The following HMGCLL1 variants were observed in gnomAD, a reference collection of about 807,000 sequenced individuals.
HMGCLL1 encodes 3-hydroxymethyl-3-methylglutaryl-CoA lyase, cytoplasmic.
HMGCLL1 carries 36 observed loss-of-function variants against 39.1 expected under a neutral mutation model. The ratio of observed to expected loss-of-function variants is 0.92; its 90% CI spans 0.71 to 1.22. The LOEUF is 1.22. Among genes scored for constraint, HMGCLL1 ranks in the 50% most tolerant of loss-of-function variants. The probability of loss-of-function intolerance (pLI) is 0.00; values close to 1 mark genes in which losing one functional copy is unlikely to be tolerated. For synonymous variants in HMGCLL1, 149 were observed against 144.0 expected, an observed-to-expected ratio of 1.03 and a Z score of -0.25; for missense variants, 451 against 416.5, an observed-to-expected ratio of 1.08 and a Z score of -0.72.
the HMGCLL1 span, among the ~76,000 whole-genome samples, chr6:55,624,754 G>A: frequency 4.6e-5 from 7 of 152,116 alleles, no homozygotes; most frequent in African/African-American, 1.4e-4. Flanking sequence ...TGTGGGGCCT[G>A]TTGAGATAGT....
chr6:55,514,830 T>A (rs6908139), intron 4 of HMGCLL1, among the ~76,000 whole-genome samples: 1 of 151,970 alleles, frequency 6.6e-6, no homozygotes, highest in Non-Finnish European at 1.5e-5. Flanking sequence ...TTATTCCTTC[T>A]TCCAGGCTCT....
chr6:55,519,160 G>A (rs1216822500), intron 3 of HMGCLL1, among the ~76,000 whole-genome samples: 1 of 152,102 alleles, frequency 6.6e-6, no homozygotes, highest in African/African-American at 2.4e-5. Flanking sequence ...AGAAAGCCAT[G>A]GAGAATGGGT....
the HMGCLL1 span, among the ~76,000 whole-genome samples, chr6:55,626,366 G>A: frequency 4.6e-5 from 7 of 152,168 alleles, no homozygotes; most frequent in East Asian, 1.4e-3. Flanking sequence ...TGCAGCAGTG[G>A]GCTTATGCTC....
intron 7 of HMGCLL1, among the ~76,000 whole-genome samples, chr6:55,472,655 T>G (rs1228423586): frequency 6.6e-6 from 1 of 151,432 alleles, no homozygotes. Context: ...TGTGAAGAGA[T>G]TACAGATAAT....
At chr6:55,569,622 ATGAGCTACT>A (rs1328733494) in intron 1 of HMGCLL1, among the ~76,000 whole-genome samples, 1 of 152,196 alleles carries the variant, frequency 6.6e-6, no homozygotes. Context: ...TAAGGATTAA[ATGAGCTACT>A]GGATGTAAAC....
rs577218294 is a variant in HMGCLL1 at position 55,549,682 on chromosome 6, T to C, written c.109-7542A>G. The stretch of plus-strand genomic sequence containing the variant: ...AGCTGAGGACACTTGGTTTAATATT[T>C]AGCTAAGAAGACATAATTCATCATT... On this transcript the variant is annotated intron_variant, in intron 1 of 8. Transcript: ENST00000274901. 6.8e-4 allele frequency among the ~76,000 whole-genome samples: 103 copies of C among 152,100 alleles called. 1 individual carries two copies. The highest frequency in any genetic ancestry group is 2.4e-3 in the African/African-American group (99 of 41,412).
chr6:55,477,361 T>TTATATTTAGATAATA (rs1765470680), intron 7 of HMGCLL1, among the ~76,000 whole-genome samples: 2 of 34,798 alleles, frequency 5.7e-5, no homozygotes, highest in Non-Finnish European at 8.9e-5. Context: ...ATAATATATA[T>TTATATTTAGATAATA]TATATTAATA....
At chr6:55,543,222 A>ATATAT (rs1769640676) in intron 1 of HMGCLL1, among the ~76,000 whole-genome samples, 5 of 7,806 alleles carry the variant, frequency 6.4e-4, no homozygotes, top group African/African-American at 1.2e-3. Context: ...ATATTATATA[A>ATATAT]TATATAATAT....
rs1034422508 is a variant in HMGCLL1, at chr6:55,552,254, C to T, written c.109-10114G>A. On this transcript the variant is annotated intron_variant, in intron 1 of 8. Coordinates refer to ENST00000274901, the MANE Select transcript of HMGCLL1 (RefSeq NM_001042406.2). ...TACATGTAGCATAGAGATTTAAAAT[C>T]CTAAACATGAATGCTACCAGTCCTC... Among the ~76,000 whole-genome samples, 10 of 151,856 alleles carry T rather than the reference C, an allele frequency of 6.6e-5. 1 individual carries two copies. The highest frequency in any genetic ancestry group is 2.2e-4 in the African/African-American group (9 of 41,204).
chr6:55,575,503 G>A (rs927692536), intron 1 of HMGCLL1, among the ~76,000 whole-genome samples: 1 of 151,998 alleles, frequency 6.6e-6, no homozygotes, highest in African/African-American at 2.4e-5. Context: ...ACAAAACCAT[G>A]GAATAAGTTG....
intron 7 of HMGCLL1, among the ~76,000 whole-genome samples, chr6:55,486,938 T>C (rs1351156797): frequency 6.6e-6 from 1 of 152,120 alleles, no homozygotes; most frequent in African/African-American, 2.4e-5. Context: ...TCCTACCATG[T>C]CTTCACATGG....
the HMGCLL1 span, among the ~76,000 whole-genome samples, chr6:55,674,045 G>A: frequency 6.6e-6 from 1 of 151,962 alleles, no homozygotes; most frequent in Non-Finnish European, 1.5e-5. Context: ...ATAATTGGTA[G>A]GCTGAGAGTA....
chr6:55,501,560 G>A (rs751223559), intron 5 of HMGCLL1, among the ~76,000 whole-genome samples: 6 of 151,658 alleles, frequency 4.0e-5, no homozygotes, highest in East Asian at 1.9e-4. Context: ...TTTGACAAGC[G>A]GCCAAAGCCA....
the HMGCLL1 span, among the ~76,000 whole-genome samples, chr6:55,653,465 A>G: frequency 1.3e-5 from 2 of 152,076 alleles, no homozygotes. Context: ...TTTTATTACC[A>G]AAAGACATGC....
intron 1 of HMGCLL1, among the ~76,000 whole-genome samples, chr6:55,553,092 G>A (rs995617112): frequency 4.6e-5 from 7 of 151,534 alleles, no homozygotes; most frequent in Non-Finnish European, 7.4e-5. Context: ...GCAGTGAGCC[G>A]AGATCGTGCC....
chr6:55,658,973 G>A, the HMGCLL1 span, among the ~76,000 whole-genome samples: 1 of 151,928 alleles, frequency 6.6e-6, no homozygotes, highest in Non-Finnish European at 1.5e-5. Flanking sequence ...AGAATGAACT[G>A]AAAGAGGGGG....
chr6:55,647,733 C>CTT, the HMGCLL1 span, among the ~76,000 whole-genome samples: 16 of 112,848 alleles, frequency 1.4e-4, no homozygotes, highest in South Asian at 6.3e-4. Flanking sequence ...CTCTTCATGT[C>CTT]TTTTTTTTTT....
chr6:55,651,270 A>T, the HMGCLL1 span, among the ~76,000 whole-genome samples: 1 of 152,062 alleles, frequency 6.6e-6, no homozygotes, highest in Non-Finnish European at 1.5e-5. Context: ...CCAAAACTAC[A>T]TCAGCTTCAT....
At chr6:55,461,615 T>C (rs1002650195) in intron 7 of HMGCLL1, among the ~76,000 whole-genome samples, 4 of 152,162 alleles carry the variant, frequency 2.6e-5, no homozygotes, top group Non-Finnish European at 5.9e-5. Flanking sequence ...TTGTTTTTGG[T>C]ATTTCATTTT....
Sources: gnomAD v4.1 joint callset for allele counts (sites outside exome capture counted in the v4.1 genomes callset) on GRCh38, gnomAD v4.1.1 for gene constraint, MANE v1.5 for transcripts, NCBI Gene and HGNC (gene_info 2026-07-23, HGNC 2026-07-21) for gene names.